Variants in CHD9 observed in about 807,000 individuals in gnomAD.
CHD9 encodes the protein chromodomain helicase DNA binding protein 9, also known as ATP-dependent chromatin remodeler CHD9.
A neutral mutation model predicts 316.1 loss-of-function variants in CHD9; 77 were observed. The observed-to-expected ratio is 0.24, with a 90% CI of 0.20 to 0.29. The LOEUF (loss-of-function observed/expected upper bound fraction) is 0.29. Ranked by LOEUF, CHD9 falls within the 10% of genes least tolerant of loss-of-function variation. The probability of loss-of-function intolerance (pLI) is 1.00; values close to 1 mark genes in which losing one functional copy is unlikely to be tolerated. For missense variants in CHD9, 2,763 were observed against 3,438.1 expected (o/e 0.80, Z 4.91); for synonymous variants, 1,129 against 1,158.3 (o/e 0.97, Z 0.51).
Position 53,227,414 on chromosome 16 carries a change from G to T in CHD9, c.2062G>T (p.Asp688Tyr). 1 of 1,570,886 alleles carries T rather than the reference G, an allele frequency of 6.4e-7. No individual in the cohort carries two copies. The highest frequency in any genetic ancestry group is 8.6e-7 in the Non-Finnish European group (1 of 1,156,784). Residue 688 changes from aspartate (D) to tyrosine (Y), a missense_variant, in exon 6 of 39, where the codon GAT (aspartate) becomes TAT (tyrosine). Transcript: ENST00000447540. ...CCCATAGGAGAATCCGAGTGAAGAA[G>T]ATGCTGCAATTGTAGACAAAATTCT... Reference protein sequence around the residue: ...QLFVENPSEEDAAIVDKILSS... With the variant: ...QLFVENPSEEYAAIVDKILSS...
intron 24 of CHD9, among the ~76,000 whole-genome samples, chr16:53,281,169 C>G (rs893857402): frequency 5.3e-5 from 8 of 152,146 alleles, no homozygotes; most frequent in African/African-American, 1.9e-4. Flanking sequence ...TCCCAGAACT[C>G]TTTCTTGAGT....
chr16:53,171,259 A>T (rs1197735485), intron 2 of CHD9, among the ~76,000 whole-genome samples: 1 of 151,922 alleles, frequency 6.6e-6, no homozygotes, highest in Non-Finnish European at 1.5e-5. Context: ...CCACTAAAAA[A>T]TACAAAAAAA....
intron 29 of CHD9, among the ~76,000 whole-genome samples, chr16:53,294,690 C>T (rs751893099): frequency 7.9e-5 from 12 of 152,140 alleles, no homozygotes; most frequent in Non-Finnish European, 1.5e-4. Context: ...GTCACTTTTG[C>T]CACCCTCTGT....
At chr16:53,204,629 G>A (rs1268320681) in intron 2 of CHD9, among the ~76,000 whole-genome samples, 1 of 151,916 alleles carries the variant, frequency 6.6e-6, no homozygotes, top group Admixed American at 6.6e-5. Flanking sequence ...ATTAGGTCAT[G>A]ACCTGTCTTT....
intron 22 of CHD9, among the ~76,000 whole-genome samples, chr16:53,270,184 T>A (rs952240418): frequency 2.0e-5 from 3 of 149,416 alleles, no homozygotes. Flanking sequence ...TTTTTTTTTT[T>A]AGAGGTGGAG....
intron 1 of CHD9, among the ~76,000 whole-genome samples, chr16:53,130,621 C>G (rs1472103181): frequency 6.6e-6 from 1 of 151,306 alleles, no homozygotes; most frequent in Non-Finnish European, 1.5e-5. Flanking sequence ...GCCTTCCCCG[C>G]CCCGAGGCCG....
chr16:53,060,158 A>G (rs1002095191), intron 1 of CHD9, among the ~76,000 whole-genome samples: 1 of 152,224 alleles, frequency 6.6e-6, no homozygotes, highest in East Asian at 1.9e-4. Flanking sequence ...AGCCTGGGCA[A>G]CATAGCAAGA....
intron 27 of CHD9, among the ~76,000 whole-genome samples, chr16:53,290,595 C>T (rs1481194908): frequency 1.3e-5 from 2 of 151,880 alleles, no homozygotes; most frequent in Non-Finnish European, 2.9e-5. Context: ...TCAAGGCCAG[C>T]CTGGGCAACA....
At chr16:53,206,783 G>T (rs968821107) in intron 2 of CHD9, among the ~76,000 whole-genome samples, 2 of 152,126 alleles carry the variant, frequency 1.3e-5, no homozygotes, top group Non-Finnish European at 2.9e-5. Context: ...TCTTTGTAAT[G>T]CTACTATCAG....
chr16:53,208,342 G>A, intron 2 of CHD9: 4 of 1,280,298 alleles, frequency 3.1e-6, no homozygotes, highest in Non-Finnish European at 3.0e-6. Flanking sequence ...GAGGCCAAGA[G>A]GAAGGGTAAG....
intron 2 of CHD9, among the ~76,000 whole-genome samples, chr16:53,198,812 G>A (rs947488640): frequency 6.6e-6 from 1 of 152,102 alleles, no homozygotes; most frequent in African/African-American, 2.4e-5. Context: ...GTGTTCCTCT[G>A]TACAGATGGA....
rs1049421367 is a variant in CHD9, at chr16:53,209,960, G to A, written c.1784+147G>A. Reference sequence around the variant, plus strand: ...ACTATGTGTGCTTTATTTCATTGCCGAATGAATTAGATAATATTCCAGGAT... The same window carrying A: ...ACTATGTGTGCTTTATTTCATTGCCAAATGAATTAGATAATATTCCAGGAT... On this transcript the variant is annotated intron_variant, in intron 3 of 38. Transcript: ENST00000447540. 33 of 607,672 alleles carry A rather than the reference G, an allele frequency of 5.4e-5. 1 individual carries two copies. Among genetic ancestry groups the A allele is most frequent in the Admixed American group, 2.0e-4 (6 of 30,364 alleles). The allele number at this position is 607,672 out of a possible 1,614,324, so 37.6% of individuals were successfully genotyped here.
At chr16:53,186,306 A>C (rs966196926) in intron 2 of CHD9, among the ~76,000 whole-genome samples, 1 of 152,214 alleles carries the variant, frequency 6.6e-6, no homozygotes, top group Non-Finnish European at 1.5e-5. Flanking sequence ...TTAAGGTTTA[A>C]TGACCATCCT....
intron 2 of CHD9, among the ~76,000 whole-genome samples, chr16:53,204,123 CGTGT>C (rs59131817): frequency 2.5e-3 from 362 of 142,106 alleles, no homozygotes; most frequent in African/African-American, 5.9e-3. Flanking sequence ...ATCTAGATAA[CGTGT>C]GTGTGTGTGT....
In CHD9 at chr16:53,247,390, G is replaced by C. The variant is rs1225421116; in HGVS notation, c.3552G>C (p.Leu1184Phe). Residue 1184 changes from leucine (L) to phenylalanine (F), a missense_variant, in exon 16 of 39, where the codon TTG becomes TTC. Physicochemically the swap from Leu to Phe is conservative, Grantham distance 22 (BLOSUM62 0). Around this residue, in one of 15 missense-constraint regions of CHD9, gnomAD observed 155 missense variants for 291.8 expected, o/e 0.53. Transcript: ENST00000447540. ...LQAMIQSAGK[L>F]VLIDKLLPKM... ...CAATGATCCAGTCTGCTGGTAAATT[G>C]GTCCTTATTGATAAATTGCTTCCCA... 1.2e-6 allele frequency: 2 copies of C among 1,608,188 alleles called. No individual in the cohort carries two copies. The highest frequency in any genetic ancestry group is 1.7e-6 in the Non-Finnish European group (2 of 1,176,866).
chr16:53,176,641 G>C (rs17302672), intron 2 of CHD9, among the ~76,000 whole-genome samples: 42,349 of 152,080 alleles, frequency 0.28, 5,987 homozygotes, highest in Middle Eastern at 0.32. Context: ...GCCTATTTGA[G>C]TACCTTTCTT....
intron 20 of CHD9, among the ~76,000 whole-genome samples, chr16:53,264,119 A>T (rs1428695192): frequency 3.3e-5 from 5 of 152,076 alleles, no homozygotes; most frequent in African/African-American, 1.2e-4. Flanking sequence ...TGGTTGGGAG[A>T]TGTGTCCATT....
chr16:53,061,927 T>TGTG (rs1258696989), intron 1 of CHD9, among the ~76,000 whole-genome samples: 1 of 152,184 alleles, frequency 6.6e-6, no homozygotes, highest in Non-Finnish European at 1.5e-5. Context: ...ATGGCTTTGG[T>TGTG]GTGGCACAGA....
At chr16:53,207,188 T>C (rs1158271652) in intron 2 of CHD9, among the ~76,000 whole-genome samples, 5 of 152,226 alleles carry the variant, frequency 3.3e-5, no homozygotes, top group Non-Finnish European at 7.3e-5. Flanking sequence ...TAAACTTGAA[T>C]TTTAAAGCAG....
Sources: allele counts gnomAD v4.1 joint callset (sites outside exome capture counted in the v4.1 genomes callset), GRCh38; gene constraint gnomAD v4.1.1; regional missense constraint gnomAD v4.1.1; transcripts MANE v1.5; gene names NCBI Gene and HGNC (gene_info 2026-07-23, HGNC 2026-07-21).